Variants in ANGPT2 observed in about 807,000 individuals in gnomAD.
ANGPT2 encodes angiopoietin-2.
In ANGPT2, 28 loss-of-function variants were observed where a neutral mutation model predicts 62.9. That is an observed-to-expected ratio of 0.44 (90% CI 0.33 to 0.61). The LOEUF (loss-of-function observed/expected upper bound fraction) is 0.61, where lower values mean the gene tolerates loss of function less well. Ranked by LOEUF, ANGPT2 falls within the 20% of genes least tolerant of loss-of-function variation. The pLI is 0.03. For synonymous variants in ANGPT2, 284 were observed against 207.8 expected (o/e 1.37, Z -3.15); for missense variants, 727 against 594.9 (o/e 1.22, Z -2.31).
intron 3 of ANGPT2, 97 bp from the exon 4 acceptor site, chr8:6,521,507 A>T (rs1817330675): frequency 2.2e-6 from 2 of 895,442 alleles, no homozygotes; most frequent in Admixed American, 5.8e-5. Flanking sequence ...CTGTTAAGAT[A>T]TTGTAGTGGT....
At chr8:6,509,193 C>A in intron 7 of ANGPT2, 131 bp from the exon 8 acceptor site, 1 of 1,189,160 alleles carries the variant, frequency 8.4e-7, no homozygotes, top group Non-Finnish European at 1.2e-6. Context: ...AATGCATACT[C>A]TGGACAAAAT....
chr8:6,529,878 A>G (rs1302465391), intron 2 of ANGPT2, among the ~76,000 whole-genome samples: 1 of 114,096 alleles, frequency 8.8e-6, no homozygotes, highest in Non-Finnish European at 2.1e-5. Flanking sequence ...GTTTCACAAT[A>G]GGCGTTTTTT....
rs77167947 is a variant in ANGPT2 at position 6,556,055 on chromosome 8, C to T, written c.288+6592G>A. ...CTGATGCTGGCCTAGGAGTGCCCTG[C>T]ACTCGTCTCAAGATCGATGTCCCAG... On this transcript the variant is annotated intron_variant, in intron 1 of 8. Transcript: ENST00000629816. 4.3e-4 allele frequency among the ~76,000 whole-genome samples: 65 copies of T among 152,316 alleles called. 1 individual carries two copies. In the East Asian group the frequency reaches 0.01, roughly 24 times the overall value.
intron 3 of ANGPT2, among the ~76,000 whole-genome samples, chr8:6,524,119 T>C (rs1026520652): frequency 3.9e-5 from 6 of 152,208 alleles, no homozygotes; most frequent in African/African-American, 1.4e-4. Context: ...CTCTGACATT[T>C]TCCTTCCAAT....
chr8:6,506,967 G>A (rs1326869422), intron 8 of ANGPT2, among the ~76,000 whole-genome samples: 1 of 151,464 alleles, frequency 6.6e-6, no homozygotes, highest in Non-Finnish European at 1.5e-5. Flanking sequence ...GTGCGATCTC[G>A]GCTCATTGCA....
At chr8:6,513,200 T>A (rs2129567466) in intron 7 of ANGPT2, among the ~76,000 whole-genome samples, 1 of 152,344 alleles carries the variant, frequency 6.6e-6, no homozygotes, top group Middle Eastern at 3.4e-3. Context: ...TATATTGTTA[T>A]AACCAAAGTT....
chr8:6,541,225 A>G (rs910963917), intron 1 of ANGPT2, among the ~76,000 whole-genome samples: 2 of 152,222 alleles, frequency 1.3e-5, no homozygotes, highest in Non-Finnish European at 2.9e-5. Flanking sequence ...TCCCTGACAC[A>G]GCAGGGGATG....
At chr8:6,560,744 G>A (rs779845310) in intron 1 of ANGPT2, among the ~76,000 whole-genome samples, 3 of 152,176 alleles carry the variant, frequency 2.0e-5, no homozygotes, top group African/African-American at 2.4e-5. Flanking sequence ...CATAGAACTC[G>A]TTGTCTTTTT....
intron 4 of ANGPT2, among the ~76,000 whole-genome samples, chr8:6,520,896 T>C (rs1224325674): frequency 6.6e-6 from 1 of 152,256 alleles, no homozygotes; most frequent in Non-Finnish European, 1.5e-5. Context: ...GGCTGTGGTT[T>C]AGTAATTTGC....
chr8:6,536,218 G>A (rs1347277055), intron 1 of ANGPT2, among the ~76,000 whole-genome samples: 1 of 152,086 alleles, frequency 6.6e-6, no homozygotes, highest in Non-Finnish European at 1.5e-5. Flanking sequence ...CTAGCGACAG[G>A]AACAGCCACA....
intron 1 of ANGPT2, among the ~76,000 whole-genome samples, chr8:6,556,119 A>G (rs28635738): frequency 0.038 from 5,720 of 152,190 alleles, 178 homozygotes; most frequent in African/African-American, 0.085. Context: ...AAGGGTGTCA[A>G]CCAGTGACTT....
chr8:6,558,387 C>T (rs954377870), intron 1 of ANGPT2, among the ~76,000 whole-genome samples: 1 of 152,150 alleles, frequency 6.6e-6, no homozygotes, highest in Non-Finnish European at 1.5e-5. Context: ...AAATTACTCC[C>T]ATGGCGGTAG....
chr8:6,544,370 A>G (rs745728377), intron 1 of ANGPT2, among the ~76,000 whole-genome samples: 3 of 152,238 alleles, frequency 2.0e-5, no homozygotes, highest in Non-Finnish European at 4.4e-5. Context: ...GGAAAGAGAG[A>G]CTGTGAACTG....
intron 3 of ANGPT2, among the ~76,000 whole-genome samples, chr8:6,522,308 T>TCC (rs1563339098): frequency 1.3e-5 from 2 of 151,088 alleles, no homozygotes; most frequent in Non-Finnish European, 2.9e-5. Flanking sequence ...TGAGCTGAGA[T>TCC]CATGCCACTG....
intron 3 of ANGPT2, among the ~76,000 whole-genome samples, chr8:6,527,302 G>T (rs536200849): frequency 6.6e-6 from 1 of 152,192 alleles, no homozygotes; most frequent in Admixed American, 6.5e-5. Flanking sequence ...CTGAGGCAGG[G>T]TTTGGAGGAT....
chr8:6,538,299 C>T (rs1820874978), intron 1 of ANGPT2, among the ~76,000 whole-genome samples: 1 of 152,136 alleles, frequency 6.6e-6, no homozygotes, highest in African/African-American at 2.4e-5. Flanking sequence ...CGTTTTCTAC[C>T]CCCCATGATC....
intron 7 of ANGPT2, among the ~76,000 whole-genome samples, chr8:6,509,284 C>T (rs915562339): frequency 1.3e-5 from 2 of 152,030 alleles, no homozygotes; most frequent in Non-Finnish European, 2.9e-5. Flanking sequence ...ACCTTCAACA[C>T]ATATCACTTG....
At chr8:6,511,999 C>G (rs779340433) in intron 7 of ANGPT2, among the ~76,000 whole-genome samples, 2 of 150,920 alleles carry the variant, frequency 1.3e-5, no homozygotes, top group Non-Finnish European at 2.9e-5. Flanking sequence ...CCACTTGTGT[C>G]TCAAAATTCA....
At chr8:6,523,489 A>C (rs1461275280) in intron 3 of ANGPT2, among the ~76,000 whole-genome samples, 1 of 152,270 alleles carries the variant, frequency 6.6e-6, no homozygotes, top group Non-Finnish European at 1.5e-5. Context: ...CAGAGGAAAC[A>C]AATCCAAGAG....
Sources: gnomAD v4.1 joint callset for allele counts (sites outside exome capture counted in the v4.1 genomes callset) on GRCh38, gnomAD v4.1.1 for gene constraint, MANE v1.5 for transcripts, NCBI Gene and HGNC (gene_info 2026-07-23, HGNC 2026-07-21) for gene names.